The following METTL15 variants were observed in gnomAD, a reference collection of about 807,000 sequenced individuals.
The protein encoded by METTL15 is methyltransferase 15, mitochondrial 12S rRNA N4-cytidine.
A neutral mutation model predicts 38.3 loss-of-function variants in METTL15; 34 were observed. The ratio of observed to expected loss-of-function variants is 0.89; its 90% CI spans 0.68 to 1.18. METTL15 has a LOEUF of 1.18. METTL15 is among the 50% of genes most tolerant of loss of function. METTL15 has a pLI of 0.00. For synonymous variants in METTL15, 162 were observed against 170.9 expected (o/e 0.95, Z 0.41); for missense variants, 438 against 498.4 (o/e 0.88, Z 1.15).
chr11:28,374,993 G>T (rs1419192512), intron 5 of METTL15, among the ~76,000 whole-genome samples: 1 of 150,986 alleles, frequency 6.6e-6, no homozygotes, highest in Admixed American at 6.6e-5. Context: ...TATTGAACCA[G>T]CCTTGCATCC....
At chr11:28,277,145 A>G (rs945849741) in intron 4 of METTL15, among the ~76,000 whole-genome samples, 33 of 152,208 alleles carry the variant, frequency 2.2e-4, no homozygotes, top group Admixed American at 2.0e-4. Context: ...TTTAACAACT[A>G]TTCAGCCATT....
At chr11:28,123,883 A>G in intron 3 of METTL15, 1 of 1,473,302 alleles carries the variant, frequency 6.8e-7, no homozygotes, top group Non-Finnish European at 9.1e-7. Flanking sequence ...AACTGTGGAT[A>G]TTTAATATAT....
intron 3 of METTL15, among the ~76,000 whole-genome samples, chr11:28,120,012 G>C (rs1226802319): frequency 1.3e-5 from 2 of 151,962 alleles, no homozygotes; most frequent in Non-Finnish European, 1.5e-5. Context: ...AGTGCAGTGG[G>C]GCGATCTTGG....
chr11:28,427,049 A>T (rs1046546081), intron 6 of METTL15, among the ~76,000 whole-genome samples: 1 of 152,160 alleles, frequency 6.6e-6, no homozygotes, highest in African/African-American at 2.4e-5. Flanking sequence ...ATTTTCTTCC[A>T]GGGCTTTTAT....
intron 4 of METTL15, among the ~76,000 whole-genome samples, chr11:28,285,555 C>T (rs1430813370): frequency 6.6e-6 from 1 of 152,010 alleles, no homozygotes; most frequent in East Asian, 1.9e-4. Context: ...AAAATCATAA[C>T]CCATCAAAGT....
At chr11:28,304,157 A>G (rs568595269) in intron 6 of METTL15, among the ~76,000 whole-genome samples, 1 of 152,234 alleles carries the variant, frequency 6.6e-6, no homozygotes, top group African/African-American at 2.4e-5. Context: ...GTGGACTTCC[A>G]TTTCCAATTC....
At chr11:28,448,632 A>G (rs1851094242) in intron 6 of METTL15, among the ~76,000 whole-genome samples, 1 of 152,054 alleles carries the variant, frequency 6.6e-6, no homozygotes, top group Admixed American at 6.5e-5. Flanking sequence ...ATTTTTTCAC[A>G]TGCTTTCTCT....
intron 6 of METTL15, among the ~76,000 whole-genome samples, chr11:28,464,221 T>G (rs978918633): frequency 3.9e-5 from 6 of 152,188 alleles, no homozygotes; most frequent in African/African-American, 9.6e-5. Context: ...CTACAAAAGT[T>G]TCTACCAATA....
At chr11:28,193,122 A>G (rs1399530129) in intron 3 of METTL15, among the ~76,000 whole-genome samples, 1 of 152,118 alleles carries the variant, frequency 6.6e-6, no homozygotes, top group Non-Finnish European at 1.5e-5. Context: ...AGAATACAAC[A>G]CTATACTTCT....
chr11:28,372,542 CACA>C (rs1590349089), intron 5 of METTL15, among the ~76,000 whole-genome samples: 1 of 147,810 alleles, frequency 6.8e-6, no homozygotes, highest in East Asian at 2.0e-4. Flanking sequence ...CAAAGTTCTT[CACA>C]ATTGGTTGAC....
At chr11:28,277,396 C>A (rs2133967256) in intron 4 of METTL15, among the ~76,000 whole-genome samples, 1 of 152,134 alleles carries the variant, frequency 6.6e-6, no homozygotes, top group South Asian at 2.1e-4. Context: ...TACTATTTGA[C>A]CTTAAGAAAG....
chr11:28,358,983 G>A (rs1359317447), intron 4 of METTL15, among the ~76,000 whole-genome samples: 1 of 152,072 alleles, frequency 6.6e-6, no homozygotes, highest in African/African-American at 2.4e-5. Flanking sequence ...TTTGTGACAG[G>A]TATATTGCAG....
chr11:28,352,187 C>T (rs1045535862), intron 4 of METTL15: 2 of 152,132 alleles, frequency 1.3e-5, no homozygotes, highest in African/African-American at 2.4e-5. Flanking sequence ...ACCTTTCTGC[C>T]GGGAGGAGGG....
At chr11:28,176,674 A>G (rs1590112242) in intron 3 of METTL15, among the ~76,000 whole-genome samples, 1 of 152,232 alleles carries the variant, frequency 6.6e-6, no homozygotes, top group South Asian at 2.1e-4. Flanking sequence ...AGACAGTATT[A>G]TGTGTGGTCT....
At chr11:28,483,340 C>T (rs1288100949) in intron 6 of METTL15, among the ~76,000 whole-genome samples, 1 of 152,164 alleles carries the variant, frequency 6.6e-6, no homozygotes, top group East Asian at 1.9e-4. Context: ...GTTCATAGCT[C>T]CATCTGCTTA....
At chr11:28,517,880 G>C (rs1299037511) in intron 6 of METTL15, among the ~76,000 whole-genome samples, 1 of 152,176 alleles carries the variant, frequency 6.6e-6, no homozygotes, top group Non-Finnish European at 1.5e-5. Context: ...ACCTTCAAAG[G>C]ACAAGATGAG....
At chr11:28,377,562 A>T (rs1850331372) in intron 5 of METTL15, among the ~76,000 whole-genome samples, 1 of 151,368 alleles carries the variant, frequency 6.6e-6, no homozygotes, top group Non-Finnish European at 1.5e-5. Flanking sequence ...ACATTCTTCT[A>T]AATTTTTTTC....
intron 4 of METTL15, among the ~76,000 whole-genome samples, chr11:28,275,299 TA>T (rs1169540617): frequency 2.0e-5 from 3 of 150,960 alleles, no homozygotes; most frequent in African/African-American, 7.3e-5. Flanking sequence ...AACACAGAAA[TA>T]AAAAAAGATC....
At chr11:28,305,752 A>G (rs1371333829) in intron 6 of METTL15, among the ~76,000 whole-genome samples, 1 of 152,106 alleles carries the variant, frequency 6.6e-6, no homozygotes, top group Non-Finnish European at 1.5e-5. Flanking sequence ...CCCAGAAAAA[A>G]GAGAAATTTA....
Sources: allele counts gnomAD v4.1 joint callset (sites outside exome capture counted in the v4.1 genomes callset), GRCh38; gene constraint gnomAD v4.1.1; transcripts MANE v1.5; gene names NCBI Gene and HGNC (gene_info 2026-07-23, HGNC 2026-07-21).